Variants in ROBO4 observed in about 807,000 individuals in gnomAD.
ROBO4 encodes the protein roundabout guidance receptor 4, also known as roundabout homolog 4.
ROBO4 carries 80 observed loss-of-function variants against 103.3 expected under a neutral mutation model. The observed-to-expected ratio is 0.77, with a 90% CI of 0.65 to 0.93. ROBO4 has a LOEUF of 0.93. ROBO4 is among the 40% of genes least tolerant of loss of function. ROBO4 has a pLI of 0.00. For missense variants in ROBO4, 1,333 were observed against 1,305.3 expected (o/e 1.02, Z -0.33); for synonymous variants, 504 against 529.7 (o/e 0.95, Z 0.67).
At position 124,896,419 on chromosome 11, in the gene ROBO4, G is replaced by A. The variant is rs539957826; in HGVS notation, c.558+94C>T. 178 of 1,590,816 alleles carry A rather than the reference G, an allele frequency of 1.1e-4. No homozygotes were observed. In the African/African-American group the frequency reaches 1.7e-3, roughly 15 times the overall value. ...TGCTCTCCCCTCCTCAAATTCTACC[G>A]GAGGATGCGGGGCTGGACGGCAGGT... is the stretch of plus-strand genomic sequence containing the variant. On this transcript the variant is annotated intron_variant, in intron 3 of 17. Transcript: ENST00000306534.
chr11:124,892,686 C>T (rs1406117917), intron 10 of ROBO4: 1 of 153,166 alleles, frequency 6.5e-6, no homozygotes, highest in African/African-American at 2.4e-5. Context: ...GGATTGCACT[C>T]ATATCCCCTC....
rs1211608718 is a variant in ROBO4, at chr11:124,893,875, C to A, written c.1489G>T (p.Val497Leu). The part of the protein sequence containing the change: ...VCIHRRRRAR[V>L]HLGPGLYRYT... ...AGACTCTCACCTGGGCCCAGGTGCACCCTAGCTCGGCGCCGGCGGTGGATA... is the reference window on the plus strand; with the variant it reads ...AGACTCTCACCTGGGCCCAGGTGCAACCTAGCTCGGCGCCGGCGGTGGATA... Residue 497 changes from valine to leucine, a missense_variant, in exon 9 of 18, where the codon GTG (valine) becomes TTG (leucine). Transcript: ENST00000306534. The A allele has an allele frequency of 1.2e-6, 2 of 1,613,146 alleles. No individual in the cohort carries two copies. Among genetic ancestry groups the A allele is most frequent in the Non-Finnish European group, 1.7e-6 (2 of 1,179,810 alleles).
intron 4 of ROBO4, 60 bp from the exon 5 acceptor site, chr11:124,895,972 G>T: frequency 6.2e-7 from 1 of 1,602,632 alleles, no homozygotes; most frequent in Non-Finnish European, 8.5e-7. Context: ...ACTGAGGCGT[G>T]GAACATCCCT....
Position 124,895,650 on chromosome 11 carries a change from C to A in ROBO4, c.843G>T (p.Thr281=), listed in dbSNP as rs138055137. 6.2e-7 allele frequency: 1 copy of A among 1,613,646 alleles called. No individual in the cohort carries two copies. Among genetic ancestry groups the A allele is most frequent in the Non-Finnish European group, 8.5e-7 (1 of 1,179,756 alleles). The change falls in exon 6 of 18, where the codon ACG becomes ACT. Residue 281 remains threonine, a synonymous_variant. Coordinates refer to ENST00000306534, the MANE Select transcript of ROBO4 (RefSeq NM_019055.6). ...SGPAAPAQSY[T]ALFRTQTAPG... is the part of the protein sequence containing the mutation. ...GGGCAGTCTGGGTCCTGAACAAGGC[C>A]GTGTAAGATTGGGCAGGCGCAGCAG...
Position 124,891,381 on chromosome 11 carries a change from G to C in ROBO4, c.1866C>G (p.Asp622Glu). The C allele has an allele frequency of 1.3e-6, 2 of 1,564,658 alleles. No individual in the cohort carries two copies. The highest frequency in any genetic ancestry group is 1.8e-5 in the Admixed American group (1 of 55,330). The change falls in exon 12 of 18, where the codon GAC becomes GAG. Residue 622 changes from aspartate (D) to glutamate (E), a missense_variant. Coordinates refer to ENST00000306534, the MANE Select transcript of ROBO4 (RefSeq NM_019055.6). The stretch of plus-strand genomic sequence containing the variant: ...AGAGTCCCCTGCGGCTGCAGAGGCT[G>C]TCTGAGCTGGAACAGGGGCTGGAGA... ...AQLSSPCSSS[D>E]SLCSRRGLSS... is the part of the protein sequence containing the mutation.
At chr11:124,897,598 C>G in intron 1 of ROBO4, 128 bp downstream of exon 1, 3 of 759,418 alleles carry the variant, frequency 4.0e-6, no homozygotes, top group South Asian at 3.2e-5. Flanking sequence ...ACACACTCAT[C>G]ATCATCATCC....
In ROBO4 at chr11:124,897,212, G is replaced by A. The variant is rs1330568152; in HGVS notation, c.120C>T (p.Asp40=). 2 of 1,486,968 alleles carry A rather than the reference G, an allele frequency of 1.3e-6. No homozygotes were observed. Among genetic ancestry groups the A allele is most frequent in the Middle Eastern group, 1.8e-4 (1 of 5,598 alleles). The allele number at this position is 1,486,968 out of a possible 1,614,324, so 92.1% of individuals were successfully genotyped here. A position where few individuals can be genotyped will look rare whatever the true frequency, so the allele number is the denominator to read the frequency against. Residue 40 remains aspartate (D), a synonymous_variant, in exon 2 of 18, where the codon GAC becomes GAT. Coordinates refer to ENST00000306534, the MANE Select transcript of ROBO4 (RefSeq NM_019055.6). ...SPPQILVHPQ[D]QLFQGPGPAR... ...CAGGGCCAGGGCCCTGGAACAGCTG[G>A]TCCTGGGGGTGGACTAGGATCTGGG...
At position 124,891,474 on chromosome 11, in the gene ROBO4, G is replaced by A; in HGVS notation, c.1773C>T (p.Ser591=). 6.2e-7 allele frequency: 1 copy of A among 1,612,668 alleles called. No homozygotes were observed. Among genetic ancestry groups the A allele is most frequent in the South Asian group, 1.1e-5 (1 of 90,850 alleles). The change falls in exon 12 of 18, where the codon TCC becomes TCT. Residue 591 remains serine (S), a synonymous_variant. Transcript: ENST00000306534. ...GGGGACTTGGCCTGGCTGGGGTACT[G>A]GAGGGCAGCTCAGCGATGAGGGAGC... ...FYGSLIAELP[S]STPARPSPQV...
At chr11:124,897,431 C>T (rs910464977) in intron 1 of ROBO4, among the ~76,000 whole-genome samples, 170 bp from the exon 2 acceptor site, 9 of 152,144 alleles carry the variant, frequency 5.9e-5, no homozygotes, top group Non-Finnish European at 1.3e-4. Flanking sequence ...AGAGGGCCAG[C>T]ATGCACAGCA....
rs886097043 is a variant in ROBO4, at chr11:124,884,168, C to G, written c.*723G>C. ...CTAACTCAGGAAATTCTTGCCATCTCTCCAGGTGCTCCCCTAAAAATGGTG... is the reference window on the plus strand; with the variant it reads ...CTAACTCAGGAAATTCTTGCCATCTGTCCAGGTGCTCCCCTAAAAATGGTG... On this transcript the variant is annotated 3_prime_UTR_variant, in exon 18 of 18. Coordinates refer to ENST00000306534, the MANE Select transcript of ROBO4 (RefSeq NM_019055.6). 6.6e-6 allele frequency: 1 copy of G among 152,232 alleles called. No homozygotes were observed. The highest frequency in any genetic ancestry group is 2.4e-5 in the African/African-American group (1 of 41,438). The allele number at this position is 152,232 out of a possible 1,614,324, so 9.4% of individuals were successfully genotyped here.
rs764420135 is a variant in ROBO4, at chr11:124,891,950, T to G, written c.1548-148A>C. ...TACTGCTTTTCAGCTTTTCACAGAC[T>G]CCTTAAGATCTCTGACCTGGTCCCC... is the stretch of plus-strand genomic sequence containing the variant. On this transcript the variant is annotated intron_variant, in intron 10 of 17. Transcript: ENST00000306534. 4.5e-5 allele frequency: 41 copies of G among 914,096 alleles called. No homozygotes were observed. The highest frequency in any genetic ancestry group is 4.1e-4 in the South Asian group (29 of 70,938). The allele number at this position is 914,096 out of a possible 1,614,324, so 56.6% of individuals were successfully genotyped here.
chr11:124,886,347 G>A lies in ROBO4; in HGVS notation c.2794+117C>T, dbSNP rs1444224919. ...ATGTATGCAAAGCACTTATCATAGT[G>A]CCTGAGATACAATAATCATTCAATA... On this transcript the variant is annotated intron_variant, in intron 16 of 17. Coordinates refer to ENST00000306534, the MANE Select transcript of ROBO4 (RefSeq NM_019055.6). The A allele has an allele frequency of 1.5e-5, 12 of 802,628 alleles. No individual in the cohort carries two copies. In the Admixed American group the frequency reaches 2.8e-4, roughly 19 times the overall value. 49.7% of individuals were successfully genotyped at this position (802,628 alleles called of 1,614,324 possible). A position where few individuals can be genotyped will look rare whatever the true frequency, so the allele number is the denominator to read the frequency against.
Position 124,886,835 on chromosome 11 carries a change from A to C in ROBO4, c.2436-13T>G, listed in dbSNP as rs771789432. On this transcript the variant is annotated splice_polypyrimidine_tract_variant and intron_variant, in intron 15 of 17. Coordinates refer to ENST00000306534, the MANE Select transcript of ROBO4 (RefSeq NM_019055.6). ...AGAGACGCTGTTCCTAGGGAGAGGC[A>C]AAAGGGGAGACAGCAATGGTTTGGG... 1 of 1,528,066 alleles carries C rather than the reference A, an allele frequency of 6.5e-7. No individual in the cohort carries two copies. The highest frequency in any genetic ancestry group is 1.4e-5 in the African/African-American group (1 of 72,288). The allele number at this position is 1,528,066 out of a possible 1,614,324, so 94.7% of individuals were successfully genotyped here.
intron 6 of ROBO4, 120 bp downstream of exon 6, chr11:124,895,337 G>T: frequency 8.5e-7 from 1 of 1,175,870 alleles, no homozygotes; most frequent in Middle Eastern, 2.4e-4. Context: ...AGGGCAGAAG[G>T]GAGTCCCAGG....
chr11:124,892,122 G>A (rs1435615133), intron 10 of ROBO4: 5 of 547,674 alleles, frequency 9.1e-6, no homozygotes, highest in African/African-American at 7.5e-5. Flanking sequence ...ATCTGTCACA[G>A]CTTAGCTTGG....
At position 124,897,207 on chromosome 11, in the gene ROBO4, A is replaced by C. The variant is rs1343324798; in HGVS notation, c.125T>G (p.Leu42Arg). Residue 42 changes from leucine (L) to arginine (R), a missense_variant, in exon 2 of 18, where the codon CTG (leucine) becomes CGG (arginine). Transcript: ENST00000306534. ...PQILVHPQDQ[L>R]FQGPGPARMS... The stretch of plus-strand genomic sequence containing the variant: ...CCTGGCAGGGCCAGGGCCCTGGAAC[A>C]GCTGGTCCTGGGGGTGGACTAGGAT... 2.0e-6 allele frequency: 3 copies of C among 1,496,480 alleles called. No individual in the cohort carries two copies. The African/African-American group carries it at 4.2e-5, about 21-fold the overall frequency. 92.7% of individuals were successfully genotyped at this position (1,496,480 alleles called of 1,614,324 possible). A position where few individuals can be genotyped will look rare whatever the true frequency, so the allele number is the denominator to read the frequency against.
rs772789101 is a variant in ROBO4, at chr11:124,896,181, C to A, written c.679+17G>T. 1.2e-6 allele frequency: 2 copies of A among 1,612,366 alleles called. No homozygotes were observed. The highest frequency in any genetic ancestry group is 1.7e-6 in the Non-Finnish European group (2 of 1,179,358). The stretch of plus-strand genomic sequence containing the variant: ...GCCTGCAGCCTGGCTCTGATTGTAG[C>A]CCACCCCTGCCCTTACCCTGGATGG... On this transcript the variant is annotated intron_variant, in intron 4 of 17. Coordinates refer to ENST00000306534, the MANE Select transcript of ROBO4 (RefSeq NM_019055.6).
rs1336026805 is a variant in ROBO4 at position 124,897,183 on chromosome 11, C to A, written c.149G>T (p.Arg50Met). The A allele has an allele frequency of 6.5e-7, 1 of 1,531,258 alleles. No individual in the cohort carries two copies. Among genetic ancestry groups the A allele is most frequent in the Non-Finnish European group, 8.8e-7 (1 of 1,138,320 alleles). 94.9% of individuals were successfully genotyped at this position (1,531,258 alleles called of 1,614,324 possible). A position where few individuals can be genotyped will look rare whatever the true frequency, so the allele number is the denominator to read the frequency against. ...DQLFQGPGPA[R>M]MSCQASGQPP... is the part of the protein sequence containing the mutation. ...CTGGCCTGAGGCTTGGCAGCTCATC[C>A]TGGCAGGGCCAGGGCCCTGGAACAG... Residue 50 changes from arginine to methionine, a missense_variant, in exon 2 of 18, where the codon AGG (arginine) becomes ATG (methionine). Coordinates refer to ENST00000306534, the MANE Select transcript of ROBO4 (RefSeq NM_019055.6).
chr11:124,887,017 C>A lies in ROBO4; in HGVS notation c.2395G>T (p.Ala799Ser), dbSNP rs764801858. 84 of 1,613,698 alleles carry A rather than the reference C, an allele frequency of 5.2e-5. 1 individual carries two copies. In the East Asian group the frequency reaches 1.8e-3, roughly 36 times the overall value. ...QDSVLTPEEV[A>S]LCLELSEGEE... ...CCCTCACTGAGTTCCAAGCACAGGG[C>A]TACCTCCTCAGGGGTCAGCACGCTG... is the stretch of plus-strand genomic sequence containing the variant. Residue 799 changes from alanine (A) to serine (S), a missense_variant, in exon 15 of 18, where the codon GCC becomes TCC. Ala to Ser is a moderately conservative substitution (Grantham distance 99, BLOSUM62 1). Transcript: ENST00000306534.
Sources: gnomAD v4.1 joint callset for allele counts (sites outside exome capture counted in the v4.1 genomes callset) on GRCh38, gnomAD v4.1.1 for gene constraint, MANE v1.5 for transcripts, NCBI Gene and HGNC (gene_info 2026-07-23, HGNC 2026-07-21) for gene names.